Variants in CHD4 observed in about 807,000 individuals in gnomAD.
CHD4 encodes chromodomain helicase DNA binding protein 4.
In CHD4, 35 loss-of-function variants were observed where a neutral mutation model predicts 235.5. The ratio of observed to expected loss-of-function variants is 0.15; its 90% CI spans 0.11 to 0.20. The LOEUF is 0.20. CHD4 is among the 10% of genes least tolerant of loss of function. CHD4 has a pLI of 1.00. For missense variants in CHD4, 1,329 were observed against 2,432.3 expected, an observed-to-expected ratio of 0.55 and a Z score of 9.54; for synonymous variants, 900 against 850.2, an observed-to-expected ratio of 1.06 and a Z score of -1.02.
At chr12:6,572,992 T>C (rs111843039) in intron 38 of CHD4, 82 bp downstream of exon 38, 5 of 1,391,180 alleles carry the variant, frequency 3.6e-6, no homozygotes. Flanking sequence ...GCTCTGAAAG[T>C]TTGAAAACAA....
In CHD4 at chr12:6,573,147, C is replaced by T. The variant is rs1182762179; in HGVS notation, c.5484G>A (p.Leu1828=). The change falls in exon 38 of 40, where the codon TTG becomes TTA. Residue 1828 remains leucine, a synonymous_variant. Transcript: ENST00000544040. ...LNTRFAEVEC[L]AESHQHLSKE... is the part of the protein sequence containing the mutation. ...TGGACAGGTGCTGATGACTTTCCGC[C>T]AAACACTCCACCTCAGCAAAGCGGG... The T allele has an allele frequency of 6.2e-7, 1 of 1,611,816 alleles. No individual in the cohort carries two copies. Among genetic ancestry groups the T allele is most frequent in the Non-Finnish European group, 8.5e-7 (1 of 1,179,142 alleles).
At chr12:6,606,234 A>G in intron 2 of CHD4, 40 bp downstream of exon 2, 1 of 1,357,078 alleles carries the variant, frequency 7.4e-7, no homozygotes, top group South Asian at 1.2e-5. Flanking sequence ...AGAGCCCCAG[A>G]TGTCTCCTTC....
intron 18 of CHD4, 40 bp downstream of exon 18, chr12:6,592,656 G>C (rs1292738235): frequency 6.3e-7 from 1 of 1,593,712 alleles, no homozygotes; most frequent in African/African-American, 1.4e-5. Context: ...AAGAATGAGA[G>C]GCACAATTAT....
Position 6,606,344 on chromosome 12 carries a change from G to C in CHD4, c.30C>G (p.Pro10=), listed in dbSNP as rs377655552. ...CCTCCTCCTCACTGCCCGCCGAGCA[G>C]GGGGACGGGGAGCCCAGGCCCGACG... MASGLGSPS[P]CSAGSEEEDM... Residue 10 remains proline, a synonymous_variant, in exon 2 of 40, where the codon CCC becomes CCG. Coordinates refer to ENST00000544040, the MANE Select transcript of CHD4 (RefSeq NM_001273.5). 9 of 1,571,710 alleles carry C rather than the reference G, an allele frequency of 5.7e-6. No individual in the cohort carries two copies. The highest frequency in any genetic ancestry group is 1.7e-4 in the Middle Eastern group (1 of 5,942).
In CHD4 at chr12:6,596,699, C is replaced by A. The variant is rs138722881; in HGVS notation, c.1893-562G>T. ...CCTGTAATCCCAGCTACTCGGGAAG[C>A]TGAAGCAGGAGAATTGCTTGAACCC... On this transcript the variant is annotated intron_variant, in intron 12 of 39. Coordinates refer to ENST00000544040, the MANE Select transcript of CHD4 (RefSeq NM_001273.5). Among the ~76,000 whole-genome samples the A allele has an allele frequency of 3.1e-4, 47 of 152,154 alleles. 1 individual carries two copies. The highest frequency in any genetic ancestry group is 1.1e-3 in the African/African-American group (44 of 41,514).
At chr12:6,595,043 T>C (rs965893232) in intron 14 of CHD4, among the ~76,000 whole-genome samples, 2 of 152,054 alleles carry the variant, frequency 1.3e-5, no homozygotes, top group African/African-American at 4.8e-5. Context: ...TTAAGCCAGA[T>C]TCCTATGTAA....
intron 13 of CHD4, among the ~76,000 whole-genome samples, chr12:6,595,682 G>T (rs903803791): frequency 6.6e-6 from 1 of 151,924 alleles, no homozygotes; most frequent in Non-Finnish European, 1.5e-5. Context: ...CAGCTACTCG[G>T]GAGACTGAGG....
In CHD4 at chr12:6,593,997, G is replaced by A. The variant is rs189405378; in HGVS notation, c.2314-381C>T. Among the ~76,000 whole-genome samples, 107 of 152,170 alleles carry A rather than the reference G, an allele frequency of 7.0e-4. No individual in the cohort carries two copies. The highest frequency in any genetic ancestry group is 1.0e-3 in the Non-Finnish European group (70 of 68,010). On this transcript the variant is annotated intron_variant, in intron 15 of 39. Transcript: ENST00000544040. This position sits in a 1 kb window ranked among gnomAD's most constrained non-coding sequence, Gnocchi z 4.9. ...ATTACAGGCGTGCACCACCACATCC[G>A]GCTAATTTTGTATTTTTAGTAGAGA...
Position 6,593,488 on chromosome 12 carries a change from G to A in CHD4, c.2442C>T (p.Ala814=), listed in dbSNP as rs890791189. 6.2e-7 allele frequency: 1 copy of A among 1,614,170 alleles called. No individual in the cohort carries two copies. The highest frequency in any genetic ancestry group is 8.5e-7 in the Non-Finnish European group (1 of 1,180,038). ...VTYVGDKDSR[A]IIRENEFSFE... is the part of the protein sequence containing the mutation. ...AGGAGAACTCATTCTCTCGGATGAT[G>A]GCACGGCTGTCCTTGTCACCCACAT... Residue 814 remains alanine (A), a synonymous_variant, in exon 16 of 40, where the codon GCC becomes GCT. Coordinates refer to ENST00000544040, the MANE Select transcript of CHD4 (RefSeq NM_001273.5). The surrounding 1 kb of genome is among the most constrained non-coding windows in gnomAD (Gnocchi z 4.9).
chr12:6,599,178 T>C (rs1948547708), intron 10 of CHD4, among the ~76,000 whole-genome samples: 1 of 152,174 alleles, frequency 6.6e-6, no homozygotes, highest in Non-Finnish European at 1.5e-5. Flanking sequence ...ACACCTGTAA[T>C]GCCAGCACTT....
intron 7 of CHD4, 39 bp from the exon 8 acceptor site, chr12:6,600,708 C>A (rs1430523742): frequency 6.2e-7 from 1 of 1,610,272 alleles, no homozygotes; most frequent in South Asian, 1.1e-5. Context: ...ACGTTCAAGC[C>A]AAGGGGAAGG....
At chr12:6,585,969 G>A (rs1948284761) in intron 25 of CHD4, among the ~76,000 whole-genome samples, 1 of 151,710 alleles carries the variant, frequency 6.6e-6, no homozygotes, top group Admixed American at 6.6e-5. Flanking sequence ...GCATGGTGGT[G>A]CATACCTGTA....
intron 33 of CHD4, 45 bp downstream of exon 33, chr12:6,580,999 G>C (rs556957004): frequency 4.2e-5 from 68 of 1,607,528 alleles, no homozygotes; most frequent in Middle Eastern, 1.7e-4. Context: ...GCACTACACT[G>C]TCTCAAAACA....
At chr12:6,573,998 G>C (rs1310141133) in intron 37 of CHD4, among the ~76,000 whole-genome samples, 1 of 152,092 alleles carries the variant, frequency 6.6e-6, no homozygotes, top group Non-Finnish European at 1.5e-5. Context: ...ACTCCAGCCT[G>C]AGTGACAGAG....
At position 6,598,083 on chromosome 12, in the gene CHD4, T is replaced by G. The variant is rs760200517; in HGVS notation, c.1703A>C (p.Gln568Pro). Reference sequence around the variant, plus strand: ...CCGCTGATAGTTTCGGAACATCACCTGACAGTGCAGCTCCAGCTTTGAGCG... The same window carrying G: ...CCGCTGATAGTTTCGGAACATCACCGGACAGTGCAGCTCCAGCTTTGAGCG... ...VSELQLELHCQVMFRNYQRKN... is the reference protein window; with the variant it reads ...VSELQLELHCPVMFRNYQRKN... The change falls in exon 12 of 40, where the codon CAG becomes CCG. Residue 568 changes from glutamine to proline, a missense_variant. Around this residue, in one of 26 missense-constraint regions of CHD4, gnomAD observed 8 missense variants for 41.3 expected, o/e 0.19. Coordinates refer to ENST00000544040, the MANE Select transcript of CHD4 (RefSeq NM_001273.5). 1 of 1,614,120 alleles carries G rather than the reference T, an allele frequency of 6.2e-7. No homozygotes were observed. The highest frequency in any genetic ancestry group is 1.3e-5 in the African/African-American group (1 of 74,944).
rs755002159 is a variant in CHD4, at chr12:6,577,904, G to T, written c.5242C>A (p.Arg1748=). 9.3e-6 allele frequency: 15 copies of T among 1,613,984 alleles called. No homozygotes were observed. Among genetic ancestry groups the T allele is most frequent in the African/African-American group, 1.3e-5 (1 of 74,916 alleles). Residue 1748 remains arginine, a synonymous_variant, in exon 37 of 40, where the codon CGG becomes AGG. Coordinates refer to ENST00000544040, the MANE Select transcript of CHD4 (RefSeq NM_001273.5). ...GGGTCATTCTGGATGTCTTGCCACCGGGCATAGCCATGGCTATTGGAAAAG... is the reference window on the plus strand; with the variant it reads ...GGGTCATTCTGGATGTCTTGCCACCTGGCATAGCCATGGCTATTGGAAAAG... The part of the protein sequence containing the change: ...LAGIINHGYA[R]WQDIQNDPRY...
At position 6,579,915 on chromosome 12, in the gene CHD4, G is replaced by C. The variant is rs556478324; in HGVS notation, c.4910-998C>G. 5.3e-5 allele frequency among the ~76,000 whole-genome samples: 8 copies of C among 151,006 alleles called. 1 individual carries two copies. In the South Asian group the frequency reaches 1.5e-3, roughly 28 times the overall value. On this transcript the variant is annotated intron_variant, in intron 33 of 39. Transcript: ENST00000544040. ...ACTAAAAATACAAAAAATTAGCCGG[G>C]CATGGTGGCAGGCGCCTGTAGTCCC...
Position 6,592,585 on chromosome 12 carries a change from A to G in CHD4, c.2775-19T>C. 1 of 1,582,842 alleles carries G rather than the reference A, an allele frequency of 6.3e-7. No homozygotes were observed. Among genetic ancestry groups the G allele is most frequent in the Non-Finnish European group, 8.6e-7 (1 of 1,160,680 alleles). On this transcript the variant is annotated intron_variant, in intron 18 of 39. Transcript: ENST00000544040. ...CAAATTGCTTCAGAAAGAAAAAGGAAAAAAGTTATTGGAGAAGGAGAAAGG... is the reference window on the plus strand; with the variant it reads ...CAAATTGCTTCAGAAAGAAAAAGGAGAAAAGTTATTGGAGAAGGAGAAAGG...
At chr12:6,586,170 G>A (rs939783672) in intron 25 of CHD4, among the ~76,000 whole-genome samples, 2 of 151,306 alleles carry the variant, frequency 1.3e-5, no homozygotes, top group African/African-American at 4.8e-5. Context: ...AGGCAGAGGT[G>A]GGTGGATCAC....
Sources: gnomAD v4.1 joint callset for allele counts (sites outside exome capture counted in the v4.1 genomes callset) on GRCh38, gnomAD v4.1.1 for gene constraint, gnomAD v4.1.1 regional missense constraint, Gnocchi (gnomAD v3.1) non-coding constraint, MANE v1.5 for transcripts, NCBI Gene and HGNC (gene_info 2026-07-23, HGNC 2026-07-21) for gene names.